INSL6: variants seen among roughly 807,000 people sequenced by gnomAD.
INSL6 encodes insulin like 6.
In INSL6, 16 loss-of-function variants were observed where a neutral mutation model predicts 9.4. The observed-to-expected ratio is 1.70, with a 90% confidence interval of 1.15 to 2.59. INSL6 has a LOEUF of 2.59. Among genes scored for constraint, INSL6 ranks in the 30% most tolerant of loss-of-function variants. The pLI, the probability that INSL6 is intolerant of heterozygous loss-of-function variation, is 0.00. For synonymous variants in INSL6, 154 were observed against 96.9 expected, an observed-to-expected ratio of 1.59 and a Z score of -3.46; for missense variants, 391 against 257.3, an observed-to-expected ratio of 1.52 and a Z score of -3.56.
chr9:5,042,529 C>T, the INSL6 span, among the ~76,000 whole-genome samples: 3 of 152,198 alleles, frequency 2.0e-5, no homozygotes, highest in Non-Finnish European at 2.9e-5. Flanking sequence ...AAAAGAAAGG[C>T]CCCCTCCACC....
the INSL6 span, among the ~76,000 whole-genome samples, chr9:5,066,442 T>C: frequency 6.6e-6 from 1 of 152,162 alleles, no homozygotes; most frequent in Non-Finnish European, 1.5e-5. Flanking sequence ...TTTTGTCTTA[T>C]AAATACCTTT....
At chr9:5,165,652 C>A (rs1051671497) in intron 1 of INSL6, among the ~76,000 whole-genome samples, 3 of 152,032 alleles carry the variant, frequency 2.0e-5, no homozygotes, top group African/African-American at 7.2e-5. Context: ...GCAGTAGAAA[C>A]CATTTTGTTC....
At chr9:5,043,276 C>G in the INSL6 span, among the ~76,000 whole-genome samples, 2 of 151,832 alleles carry the variant, frequency 1.3e-5, no homozygotes, top group East Asian at 3.9e-4. Flanking sequence ...TTACGTTTCT[C>G]TGATGCTCTT....
At chr9:5,037,878 T>C in the INSL6 span, among the ~76,000 whole-genome samples, 1 of 151,972 alleles carries the variant, frequency 6.6e-6, no homozygotes, top group Admixed American at 6.6e-5. Flanking sequence ...AAAAGGCAAA[T>C]TGTAAAGATA....
chr9:5,143,422 G>T (rs1359611508), intron 2 of INSL6, among the ~76,000 whole-genome samples: 1 of 151,906 alleles, frequency 6.6e-6, no homozygotes, highest in Non-Finnish European at 1.5e-5. Flanking sequence ...TAGGGAGGGG[G>T]TATGTATCCA....
the INSL6 span, chr9:5,108,624 C>T: frequency 6.6e-6 from 1 of 152,134 alleles, no homozygotes; most frequent in South Asian, 2.1e-4. Flanking sequence ...TGCAGCGGTA[C>T]TCCTAAAACT....
At chr9:5,171,473 C>G (rs1184604461) in intron 1 of INSL6, among the ~76,000 whole-genome samples, 1 of 152,064 alleles carries the variant, frequency 6.6e-6, no homozygotes, top group African/African-American at 2.4e-5. Flanking sequence ...TATCTGAAGT[C>G]CTGGCCAAGG....
At chr9:5,125,465 G>A (rs1180691667) in intron 3 of INSL6, among the ~76,000 whole-genome samples, 1 of 151,254 alleles carries the variant, frequency 6.6e-6, no homozygotes, top group East Asian at 1.9e-4. Context: ...ACACTTCAGT[G>A]AACATAGTGA....
At chr9:5,016,802 A>G in the INSL6 span, among the ~76,000 whole-genome samples, 1 of 152,070 alleles carries the variant, frequency 6.6e-6, no homozygotes, top group East Asian at 1.9e-4. Flanking sequence ...TTTTTTCACC[A>G]TGAGAAAGAA....
At chr9:5,079,498 G>GTT in the INSL6 span, among the ~76,000 whole-genome samples, 8 of 145,916 alleles carry the variant, frequency 5.5e-5, no homozygotes, top group African/African-American at 7.4e-5. Context: ...TGGTCCTTGG[G>GTT]TTTTTTTTTT....
At chr9:5,035,718 A>T in the INSL6 span, among the ~76,000 whole-genome samples, 1 of 152,218 alleles carries the variant, frequency 6.6e-6, no homozygotes, top group Non-Finnish European at 1.5e-5. Context: ...TTAGGTATTG[A>T]TGGGACGTGT....
At chr9:5,111,930 G>A in the INSL6 span, 2 of 348,344 alleles carry the variant, frequency 5.7e-6, no homozygotes, top group Middle Eastern at 6.1e-4. Context: ...CTACTCTCCG[G>A]ATCACTCAAG....
At chr9:5,170,776 C>T (rs911793437) in intron 1 of INSL6, among the ~76,000 whole-genome samples, 2 of 152,038 alleles carry the variant, frequency 1.3e-5, no homozygotes, top group Non-Finnish European at 2.9e-5. Context: ...TACACCCCCA[C>T]AAGACTAAAC....
At chr9:5,166,010 T>A (rs1825042499) in intron 1 of INSL6, among the ~76,000 whole-genome samples, 1 of 152,192 alleles carries the variant, frequency 6.6e-6, no homozygotes, top group Admixed American at 6.5e-5. Context: ...GCAATCCACG[T>A]CATGTGAAAA....
intron 2 of INSL6, among the ~76,000 whole-genome samples, chr9:5,151,466 G>T (rs1041166519): frequency 6.6e-6 from 1 of 152,006 alleles, no homozygotes; most frequent in Non-Finnish European, 1.5e-5. Flanking sequence ...AATGCATGCA[G>T]CAGTAAAATG....
chr9:5,175,252 T>C (rs1231911616), intron 1 of INSL6, among the ~76,000 whole-genome samples: 4 of 152,200 alleles, frequency 2.6e-5, no homozygotes, highest in African/African-American at 4.8e-5. Context: ...GGAGTCATTC[T>C]TGATTTCTCT....
At chr9:5,015,533 CTTTTCT>C in the INSL6 span, among the ~76,000 whole-genome samples, 31,535 of 130,756 alleles carry the variant, frequency 0.24, 3,234 homozygotes, top group African/African-American at 0.31. Flanking sequence ...TTTTCTTTTT[CTTTTCT>C]TTTTTTTTTT....
chr9:5,109,538 A>G, the INSL6 span: 2 of 152,216 alleles, frequency 1.3e-5, no homozygotes, highest in African/African-American at 4.8e-5. Context: ...AATCGCCTTA[A>G]TCACACCAAT....
chr9:5,173,455 T>C (rs1586876633), intron 1 of INSL6, among the ~76,000 whole-genome samples: 1 of 152,194 alleles, frequency 6.6e-6, no homozygotes, highest in Non-Finnish European at 1.5e-5. Context: ...TCATGTCCTT[T>C]GCAGGGAAAT....
Sources: gnomAD v4.1 joint callset for allele counts (sites outside exome capture counted in the v4.1 genomes callset) on GRCh38, gnomAD v4.1.1 for gene constraint, MANE v1.5 for transcripts, NCBI Gene and HGNC (gene_info 2026-07-23, HGNC 2026-07-21) for gene names.